Variants in FAM171A1 observed in about 807,000 individuals in gnomAD.
FAM171A1 encodes the protein family with sequence similarity 171 member A1.
FAM171A1 carries 23 observed loss-of-function variants against 74.9 expected under a neutral mutation model. The observed-to-expected ratio is 0.31, with a 90% CI of 0.22 to 0.44. The LOEUF is 0.44. Among genes scored for constraint, FAM171A1 ranks in the 20% least tolerant of loss-of-function variants. The probability of loss-of-function intolerance (pLI) is 1.00; values close to 1 mark genes in which losing one functional copy is unlikely to be tolerated. For missense variants in FAM171A1, 1,162 were observed against 1,159.2 expected, an observed-to-expected ratio of 1.00 and a Z score of -0.03; for synonymous variants, 527 against 505.7, an observed-to-expected ratio of 1.04 and a Z score of -0.57.
At chr10:15,253,803 T>C (rs1228848289) in intron 4 of FAM171A1, among the ~76,000 whole-genome samples, 2 of 152,076 alleles carry the variant, frequency 1.3e-5, no homozygotes, top group East Asian at 3.9e-4. Context: ...GACAAGAAAA[T>C]AATTCAGGAC....
intron 3 of FAM171A1, among the ~76,000 whole-genome samples, chr10:15,263,928 C>T (rs531251859): frequency 1.9e-4 from 29 of 151,662 alleles, no homozygotes; most frequent in Admixed American, 1.6e-3. Context: ...TCCGTCCGTC[C>T]GTCCGTCCAT....
At chr10:15,223,578 T>C (rs995873448) in intron 5 of FAM171A1, among the ~76,000 whole-genome samples, 15 of 152,150 alleles carry the variant, frequency 9.9e-5, no homozygotes, top group African/African-American at 3.6e-4. Flanking sequence ...AAACACACGA[T>C]AACCAATTGA....
intron 5 of FAM171A1, among the ~76,000 whole-genome samples, chr10:15,248,241 T>C (rs962748741): frequency 1.3e-5 from 2 of 152,120 alleles, no homozygotes; most frequent in African/African-American, 4.8e-5. Flanking sequence ...TTCTTTGTTT[T>C]GTACAGTTTT....
chr10:15,337,270 T>C (rs1250752060), intron 1 of FAM171A1, among the ~76,000 whole-genome samples: 7 of 152,230 alleles, frequency 4.6e-5, no homozygotes, highest in East Asian at 1.9e-4. Context: ...AAAAGAAATA[T>C]ATGCAAATGG....
chr10:15,234,920 C>G (rs542440906), intron 5 of FAM171A1, among the ~76,000 whole-genome samples: 4 of 152,268 alleles, frequency 2.6e-5, no homozygotes, highest in Admixed American at 6.5e-5. Context: ...CCTCGGCCCC[C>G]CAGAGTGCTG....
At position 15,213,480 on chromosome 10, in the gene FAM171A1, G is replaced by A. The variant is rs757886041; in HGVS notation, c.2108C>T (p.Pro703Leu). 2.5e-6 allele frequency: 4 copies of A among 1,614,016 alleles called. No homozygotes were observed. The African/African-American group carries it at 4.0e-5, about 16-fold the overall frequency. ...GGAGACGAACCACGCCCGGGGGTGC[G>A]GAAGCGGCTTCCCACCCCCAAGCTC... ...LMELGGGKPL[P>L]HPRAWFVSLD... Residue 703 changes from proline (P) to leucine (L), a missense_variant, in exon 8 of 8, where the codon CCG becomes CTG. Coordinates refer to ENST00000378116, the MANE Select transcript of FAM171A1 (RefSeq NM_001010924.2). The surrounding 1 kb of genome is among the most constrained non-coding windows in gnomAD (Gnocchi z 6.8).
At chr10:15,276,079 G>A in intron 2 of FAM171A1, 132 bp from the exon 3 acceptor site, 3 of 589,806 alleles carry the variant, frequency 5.1e-6, no homozygotes, top group Non-Finnish European at 8.9e-6. Context: ...TTTTTAGTTA[G>A]ATTAGCAAAA....
intron 1 of FAM171A1, among the ~76,000 whole-genome samples, chr10:15,322,215 T>C (rs1835495343): frequency 6.6e-6 from 1 of 152,184 alleles, no homozygotes; most frequent in East Asian, 1.9e-4. Context: ...AAATAATGCG[T>C]TGCTTTCTTT....
chr10:15,273,225 A>G (rs1203542453), intron 3 of FAM171A1, among the ~76,000 whole-genome samples: 1 of 152,240 alleles, frequency 6.6e-6, no homozygotes, highest in East Asian at 1.9e-4. Context: ...CGCCAATTCC[A>G]CAGAAATACA....
chr10:15,295,996 T>A (rs572111581), intron 1 of FAM171A1, among the ~76,000 whole-genome samples: 1 of 152,326 alleles, frequency 6.6e-6, no homozygotes, highest in Admixed American at 6.5e-5. Context: ...CTCTACGAGG[T>A]TTTGCCCCAT....
chr10:15,214,784 T>A (rs1445877036), intron 7 of FAM171A1, among the ~76,000 whole-genome samples, 183 bp from the exon 8 acceptor site: 2 of 148,336 alleles, frequency 1.3e-5, no homozygotes, highest in African/African-American at 2.5e-5. Flanking sequence ...TGAGACAGCA[T>A]CTTGCTTGCT....
At chr10:15,227,245 T>C (rs1834120843) in intron 5 of FAM171A1, among the ~76,000 whole-genome samples, 1 of 151,956 alleles carries the variant, frequency 6.6e-6, no homozygotes, top group Non-Finnish European at 1.5e-5. Context: ...AAGTGATCCA[T>C]CCCCCTTGGC....
chr10:15,221,098 C>T lies in FAM171A1; in HGVS notation c.755-38G>A, dbSNP rs776784421. The T allele has an allele frequency of 2.0e-6, 3 of 1,528,914 alleles. No homozygotes were observed. The South Asian group carries it at 3.4e-5, about 17-fold the overall frequency. The allele number at this position is 1,528,914 out of a possible 1,614,324, so 94.7% of individuals were successfully genotyped here. On this transcript the variant is annotated intron_variant, in intron 5 of 7. Coordinates refer to ENST00000378116, the MANE Select transcript of FAM171A1 (RefSeq NM_001010924.2). ...GAAAGAGATGTTAGCTACAAGCACACCACGCTCCTTTGTAAGGCTTGAGCA... is the reference window on the plus strand; with the variant it reads ...GAAAGAGATGTTAGCTACAAGCACATCACGCTCCTTTGTAAGGCTTGAGCA...
chr10:15,278,204 A>G (rs968092399), intron 2 of FAM171A1, among the ~76,000 whole-genome samples: 1 of 152,116 alleles, frequency 6.6e-6, no homozygotes, highest in Non-Finnish European at 1.5e-5. Flanking sequence ...GATCAGTGTT[A>G]GAAGCAGCCT....
At chr10:15,331,227 C>A (rs1357560926) in intron 1 of FAM171A1, among the ~76,000 whole-genome samples, 1 of 152,082 alleles carries the variant, frequency 6.6e-6, no homozygotes, top group African/African-American at 2.4e-5. Flanking sequence ...ATATATGACT[C>A]CCCTGAAACC....
At chr10:15,219,820 T>C (rs986913052) in intron 6 of FAM171A1, among the ~76,000 whole-genome samples, 3 of 152,220 alleles carry the variant, frequency 2.0e-5, no homozygotes, top group South Asian at 4.1e-4. Context: ...GACCTCGTGA[T>C]CCGCCCTCCT....
At chr10:15,333,549 C>A (rs1287651109) in intron 1 of FAM171A1, among the ~76,000 whole-genome samples, 1 of 151,830 alleles carries the variant, frequency 6.6e-6, no homozygotes, top group Non-Finnish European at 1.5e-5. Context: ...CTCTTTCTGG[C>A]TGGACATGGT....
At chr10:15,342,317 C>G (rs1053828044) in intron 1 of FAM171A1, among the ~76,000 whole-genome samples, 1 of 152,152 alleles carries the variant, frequency 6.6e-6, no homozygotes, top group Non-Finnish European at 1.5e-5. Context: ...CGCCTGTAAT[C>G]CCAGCACTTT....
At chr10:15,337,448 G>A (rs1324482749) in intron 1 of FAM171A1, among the ~76,000 whole-genome samples, 1 of 152,206 alleles carries the variant, frequency 6.6e-6, no homozygotes, top group African/African-American at 2.4e-5. Context: ...ACTTTAATAA[G>A]CAGTAGGGGC....
Sources: allele counts gnomAD v4.1 joint callset (sites outside exome capture counted in the v4.1 genomes callset), GRCh38; gene constraint gnomAD v4.1.1; non-coding constraint Gnocchi (gnomAD v3.1); transcripts MANE v1.5; gene names NCBI Gene and HGNC (gene_info 2026-07-23, HGNC 2026-07-21).